Variants in TRPC6 observed in about 807,000 individuals in gnomAD.
The protein encoded by TRPC6 is short transient receptor potential channel 6.
Under a neutral mutation model 90.7 loss-of-function variants are expected in TRPC6, and 55 were observed. That is an observed-to-expected ratio of 0.61 (90% CI 0.49 to 0.76). The LOEUF (loss-of-function observed/expected upper bound fraction) is 0.76, where lower values mean the gene tolerates loss of function less well. TRPC6 is among the 30% of genes least tolerant of loss of function. The probability of loss-of-function intolerance (pLI) is 0.00; values close to 1 mark genes in which losing one functional copy is unlikely to be tolerated. For missense variants in TRPC6, 989 were observed against 1,122.7 expected, an observed-to-expected ratio of 0.88 and a Z score of 1.70; for synonymous variants, 393 against 393.0, an observed-to-expected ratio of 1.00 and a Z score of 0.00.
intron 2 of TRPC6, among the ~76,000 whole-genome samples, chr11:101,492,442 G>A (rs11224787): frequency 0.4 from 60,186 of 151,728 alleles, 12,882 homozygotes; most frequent in African/African-American, 0.57. Context: ...AAAATTAGCC[G>A]GGAGTGGGGA....
intron 1 of TRPC6, among the ~76,000 whole-genome samples, chr11:101,567,498 A>G (rs1365056471): frequency 1.3e-5 from 2 of 152,210 alleles, no homozygotes; most frequent in Non-Finnish European, 2.9e-5. Flanking sequence ...ATCTCCCAGC[A>G]CAGTGTTCGA....
intron 10 of TRPC6, among the ~76,000 whole-genome samples, chr11:101,468,921 C>G (rs1160797114): frequency 6.6e-6 from 1 of 152,156 alleles, no homozygotes; most frequent in African/African-American, 2.4e-5. Context: ...AGGAAACATC[C>G]TCATCGTTGA....
chr11:101,523,511 C>T (rs1355168515), intron 1 of TRPC6, among the ~76,000 whole-genome samples: 2 of 152,178 alleles, frequency 1.3e-5, no homozygotes, highest in Non-Finnish European at 2.9e-5. Context: ...TCTTATAAAA[C>T]ATTTTAAATC....
At chr11:101,549,271 G>A (rs1386262919) in intron 1 of TRPC6, among the ~76,000 whole-genome samples, 1 of 151,818 alleles carries the variant, frequency 6.6e-6, no homozygotes, top group Non-Finnish European at 1.5e-5. Flanking sequence ...ATTTTAAAAA[G>A]GGATATATTA....
In TRPC6 at chr11:101,583,782, G is replaced by A; in HGVS notation, c.-279C>T. 2.7e-6 allele frequency: 1 copy of A among 368,064 alleles called. No individual in the cohort carries two copies. Among genetic ancestry groups the A allele is most frequent in the Non-Finnish European group, 4.8e-6 (1 of 206,472 alleles). 22.8% of individuals were successfully genotyped at this position (368,064 alleles called of 1,614,324 possible). A position where few individuals can be genotyped will look rare whatever the true frequency, so the allele number is the denominator to read the frequency against. On this transcript the variant is annotated 5_prime_UTR_variant, in exon 1 of 13. Transcript: ENST00000344327. ...GCGAGGATGCGTCTGGGGCGCCCGG[G>A]CAGAGAGGGCACAGGCGGGGCCGCT...
chr11:101,472,431 G>T, intron 7 of TRPC6, 99 bp from the exon 8 acceptor site: 1 of 1,188,778 alleles, frequency 8.4e-7, no homozygotes, highest in Non-Finnish European at 1.2e-6. Context: ...CTGCAAATTA[G>T]TGAGTATAAA....
chr11:101,549,617 T>C (rs920214340), intron 1 of TRPC6, among the ~76,000 whole-genome samples: 1 of 151,182 alleles, frequency 6.6e-6, no homozygotes, highest in Non-Finnish European at 1.5e-5. Context: ...AAAGAGGAGT[T>C]ATGTTTAAAA....
intron 4 of TRPC6, among the ~76,000 whole-genome samples, chr11:101,488,311 T>C (rs544476279): frequency 1.3e-5 from 2 of 152,358 alleles, no homozygotes; most frequent in African/African-American, 4.8e-5. Context: ...CATAGCATTT[T>C]TACCAAAGCA....
At chr11:101,552,850 C>T (rs991578892) in intron 1 of TRPC6, among the ~76,000 whole-genome samples, 4 of 152,070 alleles carry the variant, frequency 2.6e-5, no homozygotes, top group African/African-American at 7.2e-5. Context: ...AATGATATGG[C>T]ATAAATATAA....
At chr11:101,532,119 G>A (rs1860924046) in intron 1 of TRPC6, among the ~76,000 whole-genome samples, 1 of 152,244 alleles carries the variant, frequency 6.6e-6, no homozygotes, top group Non-Finnish European at 1.5e-5. Context: ...AAGGGCACAT[G>A]TATCCTGAAG....
At chr11:101,497,905 AT>A (rs1273353719) in intron 2 of TRPC6, among the ~76,000 whole-genome samples, 8 of 151,936 alleles carry the variant, frequency 5.3e-5, no homozygotes, top group Non-Finnish European at 1.2e-4. Context: ...AAAAGAGGGG[AT>A]TTTTAAGAGG....
At chr11:101,513,366 C>T (rs753947818) in intron 1 of TRPC6, among the ~76,000 whole-genome samples, 3 of 152,166 alleles carry the variant, frequency 2.0e-5, no homozygotes, top group Non-Finnish European at 4.4e-5. Flanking sequence ...GCCAACAACA[C>T]CCAGCATATG....
intron 1 of TRPC6, among the ~76,000 whole-genome samples, chr11:101,527,942 G>A (rs921388785): frequency 8.6e-5 from 13 of 151,930 alleles, no homozygotes; most frequent in South Asian, 8.3e-4. Context: ...GCATAGTGAC[G>A]GGCACCTGTA....
In TRPC6 at chr11:101,504,336, T is replaced by C. The variant is rs1158948528; in HGVS notation, c.633A>G (p.Glu211=). The C allele has an allele frequency of 6.2e-7, 1 of 1,614,008 alleles. No individual in the cohort carries two copies. The highest frequency in any genetic ancestry group is 8.5e-7 in the Non-Finnish European group (1 of 1,179,918). ...LQQDDFYAYD[E]DGTRFSHDVT... is the part of the protein sequence containing the mutation. ...CATCATGGGAGAACCGTGTCCCATCTTCATCATAGGCATAAAAATCATCTT... is the reference window on the plus strand; with the variant it reads ...CATCATGGGAGAACCGTGTCCCATCCTCATCATAGGCATAAAAATCATCTT... Residue 211 remains glutamate (E), a synonymous_variant, in exon 2 of 13, where the codon GAA becomes GAG. Coordinates refer to ENST00000344327, the MANE Select transcript of TRPC6 (RefSeq NM_004621.6).
chr11:101,559,166 A>G (rs765635765), intron 1 of TRPC6, among the ~76,000 whole-genome samples: 5 of 152,152 alleles, frequency 3.3e-5, no homozygotes, highest in Non-Finnish European at 5.9e-5. Context: ...ATTCAAAACA[A>G]AACAAAACAC....
intron 1 of TRPC6, among the ~76,000 whole-genome samples, chr11:101,518,977 G>C (rs543147847): frequency 1.3e-5 from 2 of 152,286 alleles, no homozygotes; most frequent in East Asian, 3.9e-4. Context: ...TCATCTGTGG[G>C]AGCTAAAAAT....
At chr11:101,556,470 T>G (rs1861562402) in intron 1 of TRPC6, among the ~76,000 whole-genome samples, 1 of 151,942 alleles carries the variant, frequency 6.6e-6, no homozygotes, top group African/African-American at 2.4e-5. Context: ...AGAAATAAAT[T>G]CCTAGATACA....
intron 3 of TRPC6, among the ~76,000 whole-genome samples, chr11:101,490,020 G>A (rs1324291778): frequency 1.3e-5 from 2 of 152,000 alleles, no homozygotes. Flanking sequence ...ATTTTTGAAG[G>A]GAAACCTAGC....
intron 4 of TRPC6, among the ~76,000 whole-genome samples, chr11:101,485,483 T>C (rs1434619552): frequency 6.6e-6 from 1 of 152,184 alleles, no homozygotes; most frequent in Non-Finnish European, 1.5e-5. Context: ...TAATGTTTTA[T>C]GTATGATTTA....
Sources: gnomAD v4.1 joint callset for allele counts (sites outside exome capture counted in the v4.1 genomes callset) on GRCh38, gnomAD v4.1.1 for gene constraint, MANE v1.5 for transcripts, NCBI Gene and HGNC (gene_info 2026-07-23, HGNC 2026-07-21) for gene names.